The following TTLL7 variants were observed in gnomAD, a reference collection of about 807,000 sequenced individuals.
TTLL7 encodes tubulin tyrosine ligase like 7, also known as tubulin polyglutamylase TTLL7.
Under a neutral mutation model 120.2 loss-of-function variants are expected in TTLL7, and 53 were observed. The observed-to-expected ratio is 0.44, with a 90% confidence interval of 0.35 to 0.55. The LOEUF is 0.55. Ranked by LOEUF, TTLL7 falls within the 20% of genes least tolerant of loss-of-function variation. TTLL7 has a pLI of 0.00. For synonymous variants in TTLL7, 353 were observed against 351.7 expected, an observed-to-expected ratio of 1.00 and a Z score of -0.04; for missense variants, 803 against 1,054.7, an observed-to-expected ratio of 0.76 and a Z score of 3.31.
At chr1:83,915,643 G>C (rs1434862967) in intron 14 of TTLL7, among the ~76,000 whole-genome samples, 1 of 152,026 alleles carries the variant, frequency 6.6e-6, no homozygotes, top group Non-Finnish European at 1.5e-5. Context: ...TTGACAAATG[G>C]GATCTAATTA....
At chr1:83,995,606 T>TTATAA (rs1571426636) in intron 1 of TTLL7, among the ~76,000 whole-genome samples, 1 of 152,056 alleles carries the variant, frequency 6.6e-6, no homozygotes, top group African/African-American at 2.4e-5. Context: ...ATTACACCTC[T>TTATAA]TTTCTTATAA....
intron 1 of TTLL7, among the ~76,000 whole-genome samples, chr1:83,993,819 G>A (rs1653221548): frequency 6.6e-6 from 1 of 152,168 alleles, no homozygotes; most frequent in Non-Finnish European, 1.5e-5. Context: ...CAATATCTTG[G>A]CTCTGTCAAC....
chr1:83,974,235 C>A (rs982080106), intron 1 of TTLL7, among the ~76,000 whole-genome samples: 2 of 151,970 alleles, frequency 1.3e-5, no homozygotes, highest in African/African-American at 4.8e-5. Flanking sequence ...CTAAGTATTA[C>A]GAACACATAT....
intron 14 of TTLL7, among the ~76,000 whole-genome samples, chr1:83,913,267 A>G (rs1657829983): frequency 6.6e-6 from 1 of 152,210 alleles, no homozygotes; most frequent in Non-Finnish European, 1.5e-5. Context: ...AGTAGGCTAT[A>G]TATAAAAAAT....
At chr1:83,929,301 G>C in intron 9 of TTLL7, 71 bp from the exon 10 acceptor site, 1 of 1,182,152 alleles carries the variant, frequency 8.5e-7, no homozygotes, top group South Asian at 1.4e-5. Context: ...ATCCAATGTG[G>C]GATCTCTAGC....
chr1:83,890,518 G>A (rs764623378), intron 18 of TTLL7, 37 bp from the exon 19 acceptor site: 1 of 1,530,002 alleles, frequency 6.5e-7, no homozygotes, highest in Non-Finnish European at 8.9e-7. Flanking sequence ...ATCTAGGAAT[G>A]TATATCTGTG....
At chr1:83,894,521 C>A (rs1656050902) in intron 18 of TTLL7, among the ~76,000 whole-genome samples, 1 of 152,092 alleles carries the variant, frequency 6.6e-6, no homozygotes, top group African/African-American at 2.4e-5. Context: ...AGAGGAGATT[C>A]TTTTGACCAC....
intron 19 of TTLL7, chr1:83,890,039 A>G: frequency 2.0e-6 from 1 of 505,438 alleles, no homozygotes; most frequent in Admixed American, 2.4e-5. Flanking sequence ...TAATTTTAGA[A>G]GGCGACTGCA....
chr1:83,923,054 A>G (rs1263355873), intron 10 of TTLL7, among the ~76,000 whole-genome samples: 1 of 150,746 alleles, frequency 6.6e-6, no homozygotes, highest in Non-Finnish European at 1.5e-5. Flanking sequence ...GTCCACTGGC[A>G]TTTTCAATGA....
At chr1:83,958,673 CT>C (rs1010450089) in intron 1 of TTLL7, among the ~76,000 whole-genome samples, 1 of 152,158 alleles carries the variant, frequency 6.6e-6, no homozygotes, top group Non-Finnish European at 1.5e-5. Context: ...TGAAATCATG[CT>C]TTTTCTCATA....
At chr1:83,898,283 A>G (rs1436250804) in intron 18 of TTLL7, among the ~76,000 whole-genome samples, 1 of 152,056 alleles carries the variant, frequency 6.6e-6, no homozygotes, top group African/African-American at 2.4e-5. Flanking sequence ...CATCAGAGAA[A>G]CAGTCTGACA....
chr1:83,940,949 T>A (rs1237958899), intron 7 of TTLL7, among the ~76,000 whole-genome samples: 2 of 152,122 alleles, frequency 1.3e-5, no homozygotes, highest in Non-Finnish European at 2.9e-5. Flanking sequence ...CCTTAAGAGA[T>A]CTGGTTTCTA....
chr1:83,873,699 A>C (rs761636718), intron 20 of TTLL7, among the ~76,000 whole-genome samples: 1 of 152,188 alleles, frequency 6.6e-6, no homozygotes, highest in Non-Finnish European at 1.5e-5. Flanking sequence ...GCATTTATGT[A>C]ATTCCTGATT....
intron 1 of TTLL7, among the ~76,000 whole-genome samples, chr1:83,956,427 CTTT>C (rs35592317): frequency 5.9e-5 from 8 of 136,030 alleles, no homozygotes; most frequent in Non-Finnish European, 7.9e-5. Flanking sequence ...ACCTAGCCCA[CTTT>C]TTTTTTTTTT....
intron 1 of TTLL7, among the ~76,000 whole-genome samples, chr1:83,956,248 C>A (rs2100872243): frequency 6.6e-6 from 1 of 151,720 alleles, no homozygotes; most frequent in African/African-American, 2.4e-5. Flanking sequence ...TACACCACCA[C>A]AACAGGCTTT....
intron 1 of TTLL7, among the ~76,000 whole-genome samples, chr1:83,968,046 T>C (rs529414814): frequency 6.6e-6 from 1 of 152,108 alleles, no homozygotes; most frequent in East Asian, 1.9e-4. Context: ...GCTCCATTGG[T>C]GCAGTAGTTC....
chr1:83,980,940 G>C (rs975322925), intron 1 of TTLL7: 1 of 152,040 alleles, frequency 6.6e-6, no homozygotes, highest in Non-Finnish European at 1.5e-5. Flanking sequence ...AACTAAGTAT[G>C]TATAAAGTAA....
At chr1:83,947,374 A>C in intron 5 of TTLL7, 92 bp from the exon 6 acceptor site, 1 of 1,176,216 alleles carries the variant, frequency 8.5e-7, no homozygotes, top group East Asian at 2.6e-5. Flanking sequence ...ACAAAGATTT[A>C]AATTTTCTCC....
At chr1:83,917,944 T>G (rs977986013) in intron 13 of TTLL7, among the ~76,000 whole-genome samples, 1 of 152,196 alleles carries the variant, frequency 6.6e-6, no homozygotes, top group East Asian at 1.9e-4. Flanking sequence ...ATCTTTATAG[T>G]ACAGTATAGT....
Sources: allele counts gnomAD v4.1 joint callset (sites outside exome capture counted in the v4.1 genomes callset), GRCh38; gene constraint gnomAD v4.1.1; transcripts MANE v1.5; gene names NCBI Gene and HGNC (gene_info 2026-07-23, HGNC 2026-07-21).